The following FAM107B variants were observed in gnomAD, a reference collection of about 807,000 sequenced individuals.
FAM107B encodes protein FAM107B.
FAM107B carries 21 observed loss-of-function variants against 31.5 expected under a neutral mutation model. The observed-to-expected ratio is 0.67, with a 90% CI of 0.47 to 0.96. FAM107B has a LOEUF of 0.96. Ranked by LOEUF, FAM107B falls within the 40% of genes least tolerant of loss-of-function variation. The probability of loss-of-function intolerance (pLI) is 0.00; values close to 1 mark genes in which losing one functional copy is unlikely to be tolerated. For synonymous variants in FAM107B, 157 were observed against 141.5 expected (o/e 1.11, Z -0.78); for missense variants, 452 against 377.1 (o/e 1.20, Z -1.64).
intron 2 of FAM107B, among the ~76,000 whole-genome samples, chr10:14,616,863 G>A (rs750667967): frequency 1.3e-5 from 2 of 152,164 alleles, no homozygotes; most frequent in Non-Finnish European, 2.9e-5. Context: ...AGGCTGCAGT[G>A]AGCCATGATT....
At chr10:14,657,978 T>C (rs545509226) in intron 2 of FAM107B, among the ~76,000 whole-genome samples, 5 of 152,146 alleles carry the variant, frequency 3.3e-5, no homozygotes, top group African/African-American at 1.2e-4. Flanking sequence ...ACCCGGCTAA[T>C]GTTTTCTCTT....
chr10:14,682,779 A>T (rs1234840533), intron 1 of FAM107B, among the ~76,000 whole-genome samples: 3 of 152,100 alleles, frequency 2.0e-5, no homozygotes, highest in Non-Finnish European at 4.4e-5. Flanking sequence ...ATTAGGAGAA[A>T]TACCTAATGT....
chr10:14,550,877 T>G (rs1405117218), intron 2 of FAM107B, among the ~76,000 whole-genome samples: 2 of 152,224 alleles, frequency 1.3e-5, no homozygotes, highest in Non-Finnish European at 2.9e-5. Flanking sequence ...TGAAAACTTG[T>G]CTTTTACTGA....
intron 2 of FAM107B, among the ~76,000 whole-genome samples, chr10:14,639,107 T>C (rs1175316701): frequency 2.0e-5 from 3 of 152,038 alleles, no homozygotes; most frequent in Non-Finnish European, 4.4e-5. Flanking sequence ...GGGGGGAGGA[T>C]TGCTTGAGCC....
chr10:14,527,579 G>A (rs1389365482), intron 3 of FAM107B, among the ~76,000 whole-genome samples: 5 of 152,222 alleles, frequency 3.3e-5, no homozygotes, highest in Admixed American at 2.0e-4. Flanking sequence ...ATGTAATCTT[G>A]AGATGATTCC....
chr10:14,730,572 C>T (rs1048958644), intron 1 of FAM107B, among the ~76,000 whole-genome samples: 4 of 152,122 alleles, frequency 2.6e-5, no homozygotes, highest in Non-Finnish European at 5.9e-5. Context: ...CCTGATCGAC[C>T]AGGTGGTGTG....
chr10:14,522,052 T>C (rs1195352794), intron 3 of FAM107B, 33 bp from the exon 4 acceptor site: 1 of 1,586,536 alleles, frequency 6.3e-7, no homozygotes, highest in Non-Finnish European at 8.5e-7. Flanking sequence ...ATAGAAAACG[T>C]TAATCTAATG....
chr10:14,521,239 C>T lies in FAM107B; in HGVS notation c.872G>A (p.Gly291Asp). Residue 291 changes from glycine (G) to aspartate (D), a missense_variant, in exon 5 of 5, where the codon GGC becomes GAC. Transcript: ENST00000181796. ...TTCTTGGCCTGTTCTCCTGAGATTGCCTTTCACCTTCACAAACTCGGGGGC... is the reference window on the plus strand; with the variant it reads ...TTCTTGGCCTGTTCTCCTGAGATTGTCTTTCACCTTCACAAACTCGGGGGC... The part of the protein sequence containing the change: ...ENAPEFVKVK[G>D]NLRRTGQEVA... The T allele has an allele frequency of 6.2e-7, 1 of 1,614,162 alleles. No homozygotes were observed. The highest frequency in any genetic ancestry group is 8.5e-7 in the Non-Finnish European group (1 of 1,180,016).
chr10:14,716,478 G>C (rs1054992672), intron 1 of FAM107B, among the ~76,000 whole-genome samples: 1 of 152,230 alleles, frequency 6.6e-6, no homozygotes, highest in Non-Finnish European at 1.5e-5. Flanking sequence ...AGTAACCCAA[G>C]AGAGGGTGCA....
At chr10:14,644,290 T>A (rs1853700831) in intron 2 of FAM107B, among the ~76,000 whole-genome samples, 1 of 152,260 alleles carries the variant, frequency 6.6e-6, no homozygotes, top group Non-Finnish European at 1.5e-5. Flanking sequence ...ATATTCCATA[T>A]ATTACATTGT....
chr10:14,608,273 A>T (rs1852642464), intron 2 of FAM107B, among the ~76,000 whole-genome samples: 1 of 152,234 alleles, frequency 6.6e-6, no homozygotes, highest in Non-Finnish European at 1.5e-5. Flanking sequence ...ATCGTAATCC[A>T]TTCAAAAAGA....
chr10:14,522,134 G>T lies in FAM107B; in HGVS notation c.654-115C>A. 2.2e-6 allele frequency: 3 copies of T among 1,344,728 alleles called. No homozygotes were observed. The East Asian group carries it at 7.3e-5, about 33-fold the overall frequency. The allele number at this position is 1,344,728 out of a possible 1,614,324, so 83.3% of individuals were successfully genotyped here. On this transcript the variant is annotated intron_variant, in intron 3 of 4. Coordinates refer to ENST00000181796, the MANE Select transcript of FAM107B (RefSeq NM_031453.4). ...GAAAAGTGGTCTACAAAATTAGTAT[G>T]ATACCTACTAGGCTACAGCAGGCAA...
chr10:14,594,428 C>T (rs1036641641), intron 2 of FAM107B, among the ~76,000 whole-genome samples: 2 of 144,618 alleles, frequency 1.4e-5, no homozygotes, highest in African/African-American at 5.1e-5. Context: ...CCCTTGAGCC[C>T]AGGAGTTCAA....
intron 2 of FAM107B, among the ~76,000 whole-genome samples, chr10:14,547,288 T>C (rs1848784293): frequency 6.6e-6 from 1 of 152,208 alleles, no homozygotes; most frequent in African/African-American, 2.4e-5. Context: ...GAACCTTAAA[T>C]AAAAGGTCCA....
chr10:14,727,568 T>G (rs1856066386), intron 1 of FAM107B, among the ~76,000 whole-genome samples: 1 of 152,226 alleles, frequency 6.6e-6, no homozygotes, highest in Non-Finnish European at 1.5e-5. Flanking sequence ...CTCTTGGGAA[T>G]TGGTGTATAA....
chr10:14,530,348 G>A lies in FAM107B; in HGVS notation c.637C>T (p.Leu213Phe), dbSNP rs1846825960. The A allele has an allele frequency of 6.2e-7, 1 of 1,608,852 alleles. No individual in the cohort carries two copies. Among genetic ancestry groups the A allele is most frequent in the Non-Finnish European group, 8.5e-7 (1 of 1,178,716 alleles). ...RNHQDLHREL[L>F]MNQKRGLAPQ... Reference sequence around the variant, plus strand: ...CCATTTTACCTTTTTTGATTCATAAGAAGTTCTCTGTGAAGATCTTGATGG... The same window carrying A: ...CCATTTTACCTTTTTTGATTCATAAAAAGTTCTCTGTGAAGATCTTGATGG... The change falls in exon 3 of 5, where the codon CTT becomes TTT. Residue 213 changes from leucine to phenylalanine, a missense_variant. Coordinates refer to ENST00000181796, the MANE Select transcript of FAM107B (RefSeq NM_031453.4).
At position 14,770,282 on chromosome 10, in the gene FAM107B, C is replaced by T. The variant is rs140665084; in HGVS notation, c.411+3971G>A. Among the ~76,000 whole-genome samples, 34 of 152,076 alleles carry T rather than the reference C, an allele frequency of 2.2e-4. No individual in the cohort carries two copies. In the South Asian group the frequency reaches 5.8e-3, roughly 26 times the overall value. ...GCTCACACCTGTAATCCCAGCACTTCGGGAGGCCAAGGCGGGTGGATCATG... is the reference window on the plus strand; with the variant it reads ...GCTCACACCTGTAATCCCAGCACTTTGGGAGGCCAAGGCGGGTGGATCATG... On this transcript the variant is annotated intron_variant, in intron 1 of 4. Coordinates refer to ENST00000181796, the MANE Select transcript of FAM107B (RefSeq NM_031453.4).
At chr10:14,544,779 A>G (rs1175024363) in intron 2 of FAM107B, among the ~76,000 whole-genome samples, 2 of 152,250 alleles carry the variant, frequency 1.3e-5, no homozygotes, top group Non-Finnish European at 2.9e-5. Flanking sequence ...ATAATGGAAT[A>G]CAGTGCAGCT....
chr10:14,761,011 C>CAAAA (rs565835423), intron 1 of FAM107B, among the ~76,000 whole-genome samples: 712 of 75,458 alleles, frequency 9.4e-3, no homozygotes, highest in Non-Finnish European at 0.014. Flanking sequence ...GACTCCGTTT[C>CAAAA]AAAAAAAAAA....
Sources: allele counts gnomAD v4.1 joint callset (sites outside exome capture counted in the v4.1 genomes callset), GRCh38; gene constraint gnomAD v4.1.1; transcripts MANE v1.5; gene names NCBI Gene and HGNC (gene_info 2026-07-23, HGNC 2026-07-21).